Variants in TAFA1 observed in about 807,000 individuals in gnomAD.
TAFA1 encodes the protein chemokine-like protein TAFA-1.
In TAFA1, 4 loss-of-function variants were observed where a neutral mutation model predicts 18.5. The ratio of observed to expected loss-of-function variants is 0.22; its 90% CI spans 0.11 to 0.49. The LOEUF is 0.49. TAFA1 is among the 20% of genes least tolerant of loss of function. The pLI is 0.98. For synonymous variants in TAFA1, 56 were observed against 55.2 expected (o/e 1.01, Z -0.06); for missense variants, 147 against 169.0 (o/e 0.87, Z 0.72).
At chr3:68,224,693 C>T (rs1314581078) in intron 2 of TAFA1, among the ~76,000 whole-genome samples, 2 of 152,056 alleles carry the variant, frequency 1.3e-5, no homozygotes, top group Non-Finnish European at 2.9e-5. Context: ...CCTTTCATTG[C>T]TCTGGGCCTC....
At position 68,081,981 on chromosome 3, in the gene TAFA1, A is replaced by G. The variant is rs572578530; in HGVS notation, c.118+75237A>G. 3.3e-5 allele frequency among the ~76,000 whole-genome samples: 5 copies of G among 152,126 alleles called. No homozygotes were observed. The South Asian group carries it at 8.3e-4, about 25-fold the overall frequency. On this transcript the variant is annotated intron_variant, in intron 2 of 4. Transcript: ENST00000478136. ...ATCAGTGAGACTCCATGGGCGTAGG[A>G]CCCTCTGAGCCAGGTGCAGGATATA...
At chr3:68,024,051 T>C (rs2106803396) in intron 2 of TAFA1, among the ~76,000 whole-genome samples, 1 of 152,320 alleles carries the variant, frequency 6.6e-6, no homozygotes, top group Middle Eastern at 3.4e-3. Flanking sequence ...CATTCAATAC[T>C]ACACTGTCTG....
intron 2 of TAFA1, among the ~76,000 whole-genome samples, chr3:68,053,750 C>T (rs2106708721): frequency 6.6e-6 from 1 of 152,232 alleles, no homozygotes; most frequent in African/African-American, 2.4e-5. Flanking sequence ...GTCACCTAGG[C>T]TGAAGTGTAG....
intron 2 of TAFA1, among the ~76,000 whole-genome samples, chr3:68,392,311 C>G (rs1366936418): frequency 6.6e-6 from 1 of 151,844 alleles, no homozygotes; most frequent in African/African-American, 2.4e-5. Flanking sequence ...GAAGAGCTAA[C>G]TATCCTAAAT....
intron 2 of TAFA1, among the ~76,000 whole-genome samples, chr3:68,183,967 A>G (rs1172404699): frequency 6.6e-6 from 1 of 152,180 alleles, no homozygotes; most frequent in African/African-American, 2.4e-5. Flanking sequence ...CAAAGCTAAT[A>G]TATTCAAAAA....
intron 2 of TAFA1, among the ~76,000 whole-genome samples, chr3:68,316,485 T>C (rs1187037199): frequency 6.6e-6 from 1 of 152,224 alleles, no homozygotes; most frequent in East Asian, 1.9e-4. Context: ...CTTTTCATAA[T>C]GTTCTGCCTT....
At chr3:68,131,812 T>G (rs1196097107) in intron 2 of TAFA1, among the ~76,000 whole-genome samples, 1 of 152,210 alleles carries the variant, frequency 6.6e-6, no homozygotes, top group African/African-American at 2.4e-5. Flanking sequence ...TGGGGTATAT[T>G]GCTTAGTTTC....
At chr3:68,308,629 T>C (rs997073843) in intron 2 of TAFA1, among the ~76,000 whole-genome samples, 9 of 152,162 alleles carry the variant, frequency 5.9e-5, no homozygotes, top group African/African-American at 2.2e-4. Flanking sequence ...AATAATGAGG[T>C]TGTTTTCATC....
At chr3:68,403,677 C>T (rs887836994) in intron 2 of TAFA1, among the ~76,000 whole-genome samples, 8 of 152,286 alleles carry the variant, frequency 5.3e-5, no homozygotes, top group African/African-American at 7.2e-5. Context: ...GATATAACAG[C>T]GAAGTTTGGT....
intron 2 of TAFA1, among the ~76,000 whole-genome samples, chr3:68,120,899 G>A (rs1398160124): frequency 3.3e-5 from 5 of 152,198 alleles, no homozygotes; most frequent in African/African-American, 1.2e-4. Flanking sequence ...CTTTAGGAAT[G>A]TGATGATTAT....
intron 2 of TAFA1, among the ~76,000 whole-genome samples, chr3:68,282,428 A>T (rs969046960): frequency 6.6e-6 from 1 of 152,204 alleles, no homozygotes; most frequent in Non-Finnish European, 1.5e-5. Context: ...CATAAAAAAA[A>T]AATCTCTAAG....
chr3:68,029,491 T>A (rs1235509205), intron 2 of TAFA1, among the ~76,000 whole-genome samples: 1 of 152,184 alleles, frequency 6.6e-6, no homozygotes, highest in East Asian at 1.9e-4. Context: ...TTCCAGTAAG[T>A]AAATCAAACA....
At chr3:68,017,361 A>T (rs1162902240) in intron 2 of TAFA1, among the ~76,000 whole-genome samples, 1 of 152,178 alleles carries the variant, frequency 6.6e-6, no homozygotes, top group Non-Finnish European at 1.5e-5. Flanking sequence ...AGTAAGAGCA[A>T]ATTTATGGCG....
intron 2 of TAFA1, among the ~76,000 whole-genome samples, chr3:68,360,932 G>T (rs1457589768): frequency 6.6e-6 from 1 of 151,944 alleles, no homozygotes; most frequent in Non-Finnish European, 1.5e-5. Context: ...ATATTCATAA[G>T]AAACACATGT....
At chr3:68,306,705 T>C (rs1422255141) in intron 2 of TAFA1, among the ~76,000 whole-genome samples, 1 of 152,134 alleles carries the variant, frequency 6.6e-6, no homozygotes, top group East Asian at 1.9e-4. Flanking sequence ...CATTTGTCTC[T>C]GGGTCTTTGG....
chr3:68,385,518 T>G (rs978157650), intron 2 of TAFA1, among the ~76,000 whole-genome samples: 3 of 152,128 alleles, frequency 2.0e-5, no homozygotes, highest in Non-Finnish European at 4.4e-5. Context: ...GTTTTATCTT[T>G]TTTTTAAAAG....
At position 68,531,419 on chromosome 3, in the gene TAFA1, GTTTGACC is replaced by G. The variant is rs202132677; in HGVS notation, c.260-7330_260-7324del. Reference sequence around the variant, plus strand: ...GTGACTTGAGAGATCCAAGTGCACAGTTTGACCTTTGACTTGGGGTTTTATAAGTTGG... The same window carrying G: ...GTGACTTGAGAGATCCAAGTGCACAGTTTGACTTGGGGTTTTATAAGTTGG... On this transcript the variant is annotated intron_variant, in intron 3 of 4. Coordinates refer to ENST00000478136, the MANE Select transcript of TAFA1 (RefSeq NM_213609.4). 3.7e-3 allele frequency among the ~76,000 whole-genome samples: 558 copies of G among 150,274 alleles called. 4 individuals carry two copies. The highest frequency in any genetic ancestry group is 0.013 in the African/African-American group (511 of 39,652).
Position 68,348,033 on chromosome 3 carries a change from T to G in TAFA1, c.119-69247T>G, listed in dbSNP as rs551393216. On this transcript the variant is annotated intron_variant, in intron 2 of 4. Coordinates refer to ENST00000478136, the MANE Select transcript of TAFA1 (RefSeq NM_213609.4). ...ATGCTGCCATTTACTAACTCCCTGATGTTGATTCCTCAGAGCCTTTTCATA... is the reference window on the plus strand; with the variant it reads ...ATGCTGCCATTTACTAACTCCCTGAGGTTGATTCCTCAGAGCCTTTTCATA... Among the ~76,000 whole-genome samples the G allele has an allele frequency of 4.6e-5, 7 of 152,246 alleles. No homozygotes were observed. In the East Asian group the frequency reaches 1.4e-3, roughly 30 times the overall value.
chr3:68,185,772 T>G (rs958309611), intron 2 of TAFA1, among the ~76,000 whole-genome samples: 1 of 151,706 alleles, frequency 6.6e-6, no homozygotes, highest in African/African-American at 2.4e-5. Flanking sequence ...ACTAGCCAGG[T>G]GTGGTGGCGC....
Sources: allele counts gnomAD v4.1 joint callset (sites outside exome capture counted in the v4.1 genomes callset), GRCh38; gene constraint gnomAD v4.1.1; transcripts MANE v1.5; gene names NCBI Gene and HGNC (gene_info 2026-07-23, HGNC 2026-07-21).